Variants in KCNT2 observed in about 807,000 individuals in gnomAD.
KCNT2 encodes the protein potassium sodium-activated channel subfamily T member 2.
Under a neutral mutation model 153.8 loss-of-function variants are expected in KCNT2, and 67 were observed. The observed-to-expected ratio is 0.44, with a 90% CI of 0.36 to 0.53. The LOEUF (loss-of-function observed/expected upper bound fraction) is 0.53, where lower values mean the gene tolerates loss of function less well. Ranked by LOEUF, KCNT2 falls within the 20% of genes least tolerant of loss-of-function variation. The pLI, the probability that KCNT2 is intolerant of heterozygous loss-of-function variation, is 0.00. For missense variants in KCNT2, 975 were observed against 1,354.8 expected, an observed-to-expected ratio of 0.72 and a Z score of 4.40; for synonymous variants, 500 against 458.8, an observed-to-expected ratio of 1.09 and a Z score of -1.15.
Position 196,398,623 on chromosome 1 carries a change from T to C in KCNT2, c.1234A>G (p.Asn412Asp), listed in dbSNP as rs772372851. 3 of 1,609,248 alleles carry C rather than the reference T, an allele frequency of 1.9e-6. No homozygotes were observed. The South Asian group carries it at 3.3e-5, about 18-fold the overall frequency. The change falls in exon 13 of 28, where the codon AAT (asparagine) becomes GAT (aspartate). Residue 412 changes from asparagine to aspartate, a missense_variant. Asn to Asp is a conservative substitution (Grantham distance 23, BLOSUM62 1). Transcript: ENST00000294725. The part of the protein sequence containing the change: ...RAWAVKDFAP[N>D]CPLYVQILKP... ...AATATCTGGACATACAAAGGACAAT[T>C]TGGAGCAAAATCTTTCACAGCCCAT...
At chr1:196,289,297 T>C (rs1430341308) in intron 22 of KCNT2, among the ~76,000 whole-genome samples, 1 of 152,054 alleles carries the variant, frequency 6.6e-6, no homozygotes, top group Non-Finnish European at 1.5e-5. Context: ...CTCTTGAATA[T>C]AACCTGTTAA....
intron 8 of KCNT2, among the ~76,000 whole-genome samples, chr1:196,450,159 A>G (rs1676030839): frequency 6.6e-6 from 1 of 151,876 alleles, no homozygotes; most frequent in Non-Finnish European, 1.5e-5. Flanking sequence ...TTAATGGCCA[A>G]GTGTTTTAGA....
intron 1 of KCNT2, among the ~76,000 whole-genome samples, chr1:196,592,509 T>A (rs1663492088): frequency 6.8e-6 from 1 of 147,550 alleles, no homozygotes; most frequent in Non-Finnish European, 1.5e-5. Context: ...TAACTATATA[T>A]AAATATATTA....
intron 22 of KCNT2, among the ~76,000 whole-genome samples, chr1:196,293,224 C>A (rs922860074): frequency 6.6e-6 from 1 of 152,078 alleles, no homozygotes; most frequent in African/African-American, 2.4e-5. Flanking sequence ...TTACTGCAAT[C>A]CTGATTGAAA....
intron 1 of KCNT2, among the ~76,000 whole-genome samples, chr1:196,504,926 G>A (rs1681008311): frequency 2.0e-5 from 3 of 152,106 alleles, no homozygotes; most frequent in Admixed American, 6.5e-5. Context: ...ACTTTTTGAT[G>A]GGGTTGTTTG....
At chr1:196,551,822 T>C (rs1657944628) in intron 1 of KCNT2, among the ~76,000 whole-genome samples, 1 of 151,584 alleles carries the variant, frequency 6.6e-6, no homozygotes, top group Non-Finnish European at 1.5e-5. Context: ...TCATTTAGTT[T>C]TACCACACTC....
At chr1:196,468,255 C>G (rs2148666986) in intron 6 of KCNT2, among the ~76,000 whole-genome samples, 1 of 152,180 alleles carries the variant, frequency 6.6e-6, no homozygotes, top group East Asian at 1.9e-4. Context: ...GTCATTTAAT[C>G]TAGTTCCAGT....
chr1:196,370,567 C>T (rs533002916), intron 14 of KCNT2, among the ~76,000 whole-genome samples: 2 of 151,798 alleles, frequency 1.3e-5, no homozygotes, highest in South Asian at 4.2e-4. Context: ...CGGATAATTA[C>T]GAATACTGCT....
intron 1 of KCNT2, among the ~76,000 whole-genome samples, chr1:196,493,302 T>C (rs1390891964): frequency 6.7e-6 from 1 of 149,886 alleles, no homozygotes; most frequent in African/African-American, 2.5e-5. Flanking sequence ...ATGTAATTCA[T>C]GTAAGCCAGA....
At chr1:196,349,011 C>T (rs1032880814) in intron 14 of KCNT2, among the ~76,000 whole-genome samples, 1 of 152,046 alleles carries the variant, frequency 6.6e-6, no homozygotes, top group Non-Finnish European at 1.5e-5. Flanking sequence ...AAGGGGCATG[C>T]TGTAGAGTTC....
intron 1 of KCNT2, among the ~76,000 whole-genome samples, chr1:196,559,504 G>C (rs1259707453): frequency 6.6e-6 from 1 of 151,672 alleles, no homozygotes; most frequent in Non-Finnish European, 1.5e-5. Context: ...CTTGGTCAAA[G>C]AGTAGAACAT....
At chr1:196,366,371 C>T (rs1202792997) in intron 14 of KCNT2, among the ~76,000 whole-genome samples, 1 of 151,850 alleles carries the variant, frequency 6.6e-6, no homozygotes, top group African/African-American at 2.4e-5. Flanking sequence ...GTTGATCATG[C>T]CAGGCTCAAA....
chr1:196,263,616 T>A (rs928499504), intron 25 of KCNT2, among the ~76,000 whole-genome samples: 4 of 152,140 alleles, frequency 2.6e-5, no homozygotes, highest in African/African-American at 9.7e-5. Context: ...GTAGAACCTC[T>A]ATTACCTCAG....
Position 196,492,338 on chromosome 1 carries a change from T to A in KCNT2, c.99A>T (p.Val33=). The A allele has an allele frequency of 7.2e-7, 1 of 1,393,232 alleles. No homozygotes were observed. Among genetic ancestry groups the A allele is most frequent in the Non-Finnish European group, 9.6e-7 (1 of 1,045,602 alleles). The allele number at this position is 1,393,232 out of a possible 1,614,324, so 86.3% of individuals were successfully genotyped here. A position where few individuals can be genotyped will look rare whatever the true frequency, so the allele number is the denominator to read the frequency against. Residue 33 remains valine, a synonymous_variant, in exon 2 of 28, where the codon GTA becomes GTT. Transcript: ENST00000294725. ...TTTCATTCATATAGAATTCAACTTG[T>A]ACCCTGCAAACAGAAAATAAAAACA... ...GDQGWQNDDR[V]QVEFYMNENT... is the part of the protein sequence containing the mutation.
intron 1 of KCNT2, among the ~76,000 whole-genome samples, chr1:196,525,987 T>C (rs1031350032): frequency 1.0e-4 from 15 of 150,642 alleles, no homozygotes; most frequent in African/African-American, 3.2e-4. Flanking sequence ...TTATAGAACA[T>C]AAATAGCACA....
chr1:196,562,106 G>T (rs1017611129), intron 1 of KCNT2, among the ~76,000 whole-genome samples: 1 of 151,898 alleles, frequency 6.6e-6, no homozygotes, highest in South Asian at 2.1e-4. Flanking sequence ...CCTGGATCAG[G>T]GAAAAGACCT....
intron 1 of KCNT2, among the ~76,000 whole-genome samples, chr1:196,498,520 C>T (rs1680431636): frequency 6.6e-6 from 1 of 152,102 alleles, no homozygotes; most frequent in South Asian, 2.1e-4. Context: ...GGATTATCTG[C>T]CTGGACCTTC....
chr1:196,366,948 TG>T (rs1391848166), intron 14 of KCNT2, among the ~76,000 whole-genome samples: 1 of 152,192 alleles, frequency 6.6e-6, no homozygotes, highest in Non-Finnish European at 1.5e-5. Context: ...TGGAGTAGGT[TG>T]GTTCAATGTT....
chr1:196,558,211 G>T (rs1658926886), intron 1 of KCNT2, among the ~76,000 whole-genome samples: 1 of 151,292 alleles, frequency 6.6e-6, no homozygotes. Context: ...ATACACTGTT[G>T]CAAAAATTGT....
Sources: gnomAD v4.1 joint callset for allele counts (sites outside exome capture counted in the v4.1 genomes callset) on GRCh38, gnomAD v4.1.1 for gene constraint, MANE v1.5 for transcripts, NCBI Gene and HGNC (gene_info 2026-07-23, HGNC 2026-07-21) for gene names.